Variants in ABCC2 observed in about 807,000 individuals in gnomAD.
ABCC2 encodes ATP binding cassette subfamily C member 2, also known as ATP-binding cassette sub-family C member 2.
ABCC2 carries 157 observed loss-of-function variants against 173.4 expected under a neutral mutation model. The ratio of observed to expected loss-of-function variants is 0.91; its 90% CI spans 0.80 to 1.03. The LOEUF (loss-of-function observed/expected upper bound fraction) is 1.03. Ranked by LOEUF, ABCC2 falls within the 50% of genes least tolerant of loss-of-function variation. The probability of loss-of-function intolerance (pLI) is 0.00; values close to 1 mark genes in which losing one functional copy is unlikely to be tolerated. For synonymous variants in ABCC2, 657 were observed against 693.5 expected, an observed-to-expected ratio of 0.95 and a Z score of 0.83; for missense variants, 1,822 against 1,852.3, an observed-to-expected ratio of 0.98 and a Z score of 0.30.
At chr10:99,819,833 C>A (rs1399679251) in intron 19 of ABCC2, among the ~76,000 whole-genome samples, 1 of 152,192 alleles carries the variant, frequency 6.6e-6, no homozygotes, top group Non-Finnish European at 1.5e-5. Flanking sequence ...TCTAATATCA[C>A]CACCATTGGG....
intron 10 of ABCC2, 95 bp from the exon 11 acceptor site, chr10:99,805,287 G>T (rs2038081094): frequency 9.0e-7 from 1 of 1,111,248 alleles, no homozygotes; most frequent in African/African-American, 1.5e-5. Context: ...CTAAGTGACA[G>T]CCACAAAGTA....
chr10:99,843,559 C>A lies in ABCC2; in HGVS notation c.3742-240C>A, dbSNP rs987899994. Among the ~76,000 whole-genome samples the A allele has an allele frequency of 2.0e-5, 3 of 152,246 alleles. No homozygotes were observed. The East Asian group carries it at 5.8e-4, about 29-fold the overall frequency. On this transcript the variant is annotated intron_variant, in intron 26 of 31. Coordinates refer to ENST00000647814, the MANE Select transcript of ABCC2 (RefSeq NM_000392.5). Reference sequence around the variant, plus strand: ...TCAAATTCCAGCTTTAGTCCCAAACCACTAGACACTCACATTGCCCTTCGC... The same window carrying A: ...TCAAATTCCAGCTTTAGTCCCAAACAACTAGACACTCACATTGCCCTTCGC...
chr10:99,830,585 G>C, intron 20 of ABCC2, 131 bp from the exon 21 acceptor site: 1 of 1,559,260 alleles, frequency 6.4e-7, no homozygotes, highest in Non-Finnish European at 8.8e-7. Context: ...GGGAAAGATC[G>C]GGGTTGTGTC....
chr10:99,793,806 T>G (rs2037849029), intron 4 of ABCC2, 86 bp from the exon 5 acceptor site: 1 of 1,568,470 alleles, frequency 6.4e-7, no homozygotes, highest in Non-Finnish European at 8.8e-7. Flanking sequence ...ATCATAGGCT[T>G]TAATCACAAG....
chr10:99,818,821 G>A lies in ABCC2; in HGVS notation c.2303G>A (p.Arg768Gln), dbSNP rs536840524. Residue 768 changes from arginine to glutamine, a missense_variant, in exon 18 of 32, where the codon CGG (arginine) becomes CAG (glutamine). Coordinates refer to ENST00000647814, the MANE Select transcript of ABCC2 (RefSeq NM_000392.5). ...GINLSGGQKQ[R>Q]ISLARATYQN... ...AATCTTAGTGGGGGTCAGAAGCAGCGGATCAGCCTGGCCAGAGCTACCTAC... is the reference window on the plus strand; with the variant it reads ...AATCTTAGTGGGGGTCAGAAGCAGCAGATCAGCCTGGCCAGAGCTACCTAC... 51 of 1,613,946 alleles carry A rather than the reference G, an allele frequency of 3.2e-5. No individual in the cohort carries two copies. The highest frequency in any genetic ancestry group is 2.2e-4 in the East Asian group (10 of 44,888).
chr10:99,842,639 A>G (rs2038964468), intron 26 of ABCC2, among the ~76,000 whole-genome samples: 1 of 152,310 alleles, frequency 6.6e-6, no homozygotes, highest in South Asian at 2.1e-4. Flanking sequence ...GTAATTATTC[A>G]ATCAATATTT....
In ABCC2 at chr10:99,834,913, G is replaced by T. The variant is rs569535605; in HGVS notation, c.3414+378G>T. Among the ~76,000 whole-genome samples the T allele has an allele frequency of 3.9e-5, 6 of 152,336 alleles. No homozygotes were observed. In the South Asian group the frequency reaches 6.2e-4, roughly 16 times the overall value. On this transcript the variant is annotated intron_variant, in intron 24 of 31. Coordinates refer to ENST00000647814, the MANE Select transcript of ABCC2 (RefSeq NM_000392.5). ...GGTTCCAGAAGAGCCATGCTATGGT[G>T]CTTCCTTGGTTGACTTTGGACAGGC...
rs571742526 is a variant in ABCC2, at chr10:99,844,771, A to AG, written c.3987+311dup. Among the ~76,000 whole-genome samples, 63 of 152,228 alleles carry AG rather than the reference A, an allele frequency of 4.1e-4. 2 individuals carry two copies. Among genetic ancestry groups the AG allele is most frequent in the African/African-American group, 1.5e-3 (63 of 41,536 alleles). ...CAGAGAGGAAGTCAGGAAGGAAACAAGGGGGCGGCCAGGCCTGGTGAAGGA... is the reference window on the plus strand; with the variant it reads ...CAGAGAGGAAGTCAGGAAGGAAACAAGGGGGGCGGCCAGGCCTGGTGAAGGA... On this transcript the variant is annotated intron_variant, in intron 28 of 31. Coordinates refer to ENST00000647814, the MANE Select transcript of ABCC2 (RefSeq NM_000392.5).
chr10:99,834,604 G>A (rs1200097693), intron 24 of ABCC2, 69 bp downstream of exon 24: 6 of 1,550,098 alleles, frequency 3.9e-6, no homozygotes, highest in Non-Finnish European at 4.5e-6. Context: ...TCTTTCCTGA[G>A]AATCTTCTCT....
intron 19 of ABCC2, among the ~76,000 whole-genome samples, chr10:99,829,914 C>A (rs1458474851): frequency 6.6e-6 from 1 of 152,160 alleles, no homozygotes; most frequent in African/African-American, 2.4e-5. Context: ...GTGTGAGCCA[C>A]CACGCCTGGC....
At chr10:99,803,010 C>G (rs2038037789) in intron 9 of ABCC2, among the ~76,000 whole-genome samples, 1 of 152,118 alleles carries the variant, frequency 6.6e-6, no homozygotes. Flanking sequence ...ACTCTGTAGC[C>G]CAGGCTGGAG....
At position 99,807,438 on chromosome 10, in the gene ABCC2, C is replaced by A. The variant is rs138799687; in HGVS notation, c.1585C>A (p.Arg529=). 6.2e-7 allele frequency: 1 copy of A among 1,613,958 alleles called. No individual in the cohort carries two copies. Among genetic ancestry groups the A allele is most frequent in the African/African-American group, 1.3e-5 (1 of 74,908 alleles). ...PSFRDQVQNL[R]KKELKNLLAF... is the part of the protein sequence containing the mutation. The stretch of plus-strand genomic sequence containing the variant: ...ATTCAGAGACCAAGTACAAAACCTC[C>A]GGAAGAAAGAGCTCAAGAACCTGCT... Residue 529 remains arginine (R), a synonymous_variant, in exon 12 of 32, where the codon CGG becomes AGG. Transcript: ENST00000647814.
chr10:99,795,801 A>AAGAG lies in ABCC2; in HGVS notation c.633-1293_633-1292insGAGA, dbSNP rs58906337. On this transcript the variant is annotated intron_variant, in intron 6 of 31. Transcript: ENST00000647814. ...AAAGAAAGAAAGAAAGAAAGAAAGA[A>AAGAG]AGATTTCTAAATGCTAGATTTCAGT... 1.3e-3 allele frequency among the ~76,000 whole-genome samples: 133 copies of AAGAG among 102,384 alleles called. 2 individuals are homozygous for AAGAG. Among genetic ancestry groups the AAGAG allele is most frequent in the African/African-American group, 2.6e-3 (70 of 27,322 alleles). 67.2% of individuals were successfully genotyped at this position (102,384 alleles called of 152,430 possible).
rs527933642 is a variant in ABCC2 at position 99,804,533 on chromosome 10, A to G, written c.1464+260A>G. Among the ~76,000 whole-genome samples, 13 of 152,300 alleles carry G rather than the reference A, an allele frequency of 8.5e-5. No individual in the cohort carries two copies. The South Asian group carries it at 2.7e-3, about 32-fold the overall frequency. ...AAGGGCTACCCCAGAGATGCTGCAC[A>G]TAATTCTTCCATCTTGCTCTGCTGG... On this transcript the variant is annotated intron_variant, in intron 10 of 31. Transcript: ENST00000647814.
rs2038746886 is a variant in ABCC2 at position 99,831,902 on chromosome 10, T to C, written c.3103+72T>C. 5.0e-6 allele frequency: 8 copies of C among 1,613,176 alleles called. No homozygotes were observed. The Admixed American group carries it at 1.3e-4, about 27-fold the overall frequency. ...TACTTTTCCTGGACTCAGGAATGCA[T>C]TTGCCATTATGTCCTGGGCACAAGT... On this transcript the variant is annotated intron_variant, in intron 22 of 31. Transcript: ENST00000647814.
intron 28 of ABCC2, 99 bp from the exon 29 acceptor site, chr10:99,845,525 C>A: frequency 6.8e-7 from 1 of 1,470,344 alleles, no homozygotes; most frequent in South Asian, 1.1e-5. Context: ...AGTAGCCAGT[C>A]ACTGCCTCTT....
intron 19 of ABCC2, among the ~76,000 whole-genome samples, chr10:99,820,917 A>T (rs1193941010): frequency 4.6e-5 from 7 of 152,292 alleles, no homozygotes. Flanking sequence ...GAAAGAAATA[A>T]GGGGACCCGG....
rs745598000 is a variant in ABCC2 at position 99,793,876 on chromosome 10, G to GT, written c.469-9dup. On this transcript the variant is annotated splice_polypyrimidine_tract_variant and intron_variant, in intron 4 of 31. Transcript: ENST00000647814. Reference sequence around the variant, plus strand: ...GACAAAAGGCTCATTTTTCCTCTTTGTTTTTTTCCTCATAGGGTGACAATT... The same window carrying GT: ...GACAAAAGGCTCATTTTTCCTCTTTGTTTTTTTTCCTCATAGGGTGACAATT... The GT allele has an allele frequency of 6.2e-7, 1 of 1,606,804 alleles. No individual in the cohort carries two copies. Among genetic ancestry groups the GT allele is most frequent in the Non-Finnish European group, 8.5e-7 (1 of 1,173,556 alleles).
intron 16 of ABCC2, among the ~76,000 whole-genome samples, chr10:99,813,856 C>A (rs1305316474): frequency 6.6e-6 from 1 of 151,946 alleles, no homozygotes; most frequent in Admixed American, 6.5e-5. Flanking sequence ...AACTTTGTAA[C>A]CAAACTACCA....
Sources: allele counts gnomAD v4.1 joint callset (sites outside exome capture counted in the v4.1 genomes callset), GRCh38; gene constraint gnomAD v4.1.1; transcripts MANE v1.5; gene names NCBI Gene and HGNC (gene_info 2026-07-23, HGNC 2026-07-21).